The following SLC6A15 variants were observed in gnomAD, a reference collection of about 807,000 sequenced individuals.
SLC6A15 encodes the protein solute carrier family 6 member 15, also known as sodium-dependent neutral amino acid transporter B(0)AT2.
Under a neutral mutation model 68.5 loss-of-function variants are expected in SLC6A15, and 33 were observed. That is an observed-to-expected ratio of 0.48 (90% CI 0.37 to 0.64). SLC6A15 has a LOEUF of 0.64. Among genes scored for constraint, SLC6A15 ranks in the 30% least tolerant of loss-of-function variants. SLC6A15 has a pLI of 0.00. For synonymous variants in SLC6A15, 347 were observed against 301.0 expected, an observed-to-expected ratio of 1.15 and a Z score of -1.58; for missense variants, 747 against 874.3, an observed-to-expected ratio of 0.85 and a Z score of 1.84.
At chr12:84,875,640 G>A (rs1230694024) in intron 6 of SLC6A15, among the ~76,000 whole-genome samples, 1 of 129,688 alleles carries the variant, frequency 7.7e-6, no homozygotes, top group Non-Finnish European at 1.6e-5. Context: ...AACTAATAGT[G>A]GGGTGCACCA....
At chr12:84,881,305 C>T (rs1329894220) in intron 5 of SLC6A15, 1 of 276,002 alleles carries the variant, frequency 3.6e-6, no homozygotes, top group South Asian at 1.4e-4. Context: ...TCTTGAAAGG[C>T]CTTTCTTTCT....
intron 1 of SLC6A15, among the ~76,000 whole-genome samples, chr12:84,893,041 C>G (rs574579427): frequency 1.3e-5 from 2 of 152,296 alleles, no homozygotes; most frequent in East Asian, 3.9e-4. Flanking sequence ...GGGATCCCGC[C>G]TTGGCCTCCC....
At chr12:84,901,238 G>C (rs1440552920) in intron 1 of SLC6A15, among the ~76,000 whole-genome samples, 1 of 151,284 alleles carries the variant, frequency 6.6e-6, no homozygotes, top group Admixed American at 6.6e-5. Context: ...TCTGGGCTTG[G>C]GGTTTTCTTT....
At chr12:84,909,748 A>C (rs1283174030) in intron 1 of SLC6A15, among the ~76,000 whole-genome samples, 3 of 152,214 alleles carry the variant, frequency 2.0e-5, no homozygotes, top group Non-Finnish European at 4.4e-5. Flanking sequence ...TGAGAAGTGA[A>C]AGAAAAGTTT....
chr12:84,890,836 A>G (rs1306367825), intron 2 of SLC6A15, among the ~76,000 whole-genome samples: 2 of 152,210 alleles, frequency 1.3e-5, no homozygotes, highest in Non-Finnish European at 2.9e-5. Context: ...CAATAAAATT[A>G]TCACAAACTA....
At chr12:84,886,146 G>A in intron 2 of SLC6A15, 78 bp from the exon 3 acceptor site, 6 of 1,007,730 alleles carry the variant, frequency 6.0e-6, no homozygotes, top group Non-Finnish European at 8.7e-6. Flanking sequence ...TCCCATTAAA[G>A]ATAATATTTG....
chr12:84,863,457 G>T lies in SLC6A15; in HGVS notation c.1800C>A (p.Asn600Lys), dbSNP rs78734475. The change falls in exon 11 of 12, where the codon AAC becomes AAA. Residue 600 changes from asparagine (N) to lysine (K), a missense_variant. Transcript: ENST00000266682. ...VNMGLSPPGYNAWIEDKASEE... is the reference protein window; with the variant it reads ...VNMGLSPPGYKAWIEDKASEE... ...TATTTACCTTATCTTCAATCCATGC[G>T]TTATAGCCAGGAGGACTTAATCCCA... is the stretch of plus-strand genomic sequence containing the variant. The T allele has an allele frequency of 3.8e-6, 6 of 1,578,748 alleles. No homozygotes were observed. In the African/African-American group the frequency reaches 5.5e-5, roughly 15 times the overall value.
chr12:84,881,978 A>G (rs1287339621), intron 5 of SLC6A15: 1 of 981,990 alleles, frequency 1.0e-6, no homozygotes, highest in Non-Finnish European at 1.2e-6. Flanking sequence ...AGGCATTCTC[A>G]TTAAAATAAT....
At chr12:84,879,365 G>A (rs537893367) in intron 5 of SLC6A15, among the ~76,000 whole-genome samples, 8 of 151,304 alleles carry the variant, frequency 5.3e-5, no homozygotes, top group South Asian at 2.1e-4. Flanking sequence ...TCACTCTGTC[G>A]CCCAGGGTGG....
Position 84,908,601 on chromosome 12 carries a change from CATATAT to C in SLC6A15, c.-189+3916_-189+3921del, listed in dbSNP as rs3084056. On this transcript the variant is annotated intron_variant, in intron 1 of 11. Coordinates refer to ENST00000266682, the MANE Select transcript of SLC6A15 (RefSeq NM_182767.6). ...TATTAAAGGGCAAAGAGTAAAGAAACATATATATATATATATATATATATATCTTCC... is the reference window on the plus strand; with the variant it reads ...TATTAAAGGGCAAAGAGTAAAGAAACATATATATATATATATATATCTTCC... 3.2e-3 allele frequency among the ~76,000 whole-genome samples: 450 copies of C among 140,494 alleles called. 4 individuals carry two copies. The highest frequency in any genetic ancestry group is 0.015 in the Middle Eastern group (4 of 272). 92.2% of individuals were successfully genotyped at this position (140,494 alleles called of 152,430 possible). A position where few individuals can be genotyped will look rare whatever the true frequency, so the allele number is the denominator to read the frequency against.
chr12:84,892,864 G>T (rs1354646017), intron 1 of SLC6A15, among the ~76,000 whole-genome samples: 1 of 152,094 alleles, frequency 6.6e-6, no homozygotes, highest in African/African-American at 2.4e-5. Flanking sequence ...GCAAAATCAG[G>T]ACTCACTGCA....
Position 84,860,782 on chromosome 12 carries a change from T to G in SLC6A15, c.*850A>C, listed in dbSNP as rs927870334. The stretch of plus-strand genomic sequence containing the variant: ...ATATTAATTAAAATGCCATCTTGCT[T>G]CAAGTTTTCAAATTAGTACTTTAAG... On this transcript the variant is annotated 3_prime_UTR_variant, in exon 12 of 12. Coordinates refer to ENST00000266682, the MANE Select transcript of SLC6A15 (RefSeq NM_182767.6). The G allele has an allele frequency of 2.0e-5, 3 of 152,178 alleles. No individual in the cohort carries two copies. The highest frequency in any genetic ancestry group is 7.2e-5 in the African/African-American group (3 of 41,458). 9.4% of individuals were successfully genotyped at this position (152,178 alleles called of 1,614,324 possible). A position where few individuals can be genotyped will look rare whatever the true frequency, so the allele number is the denominator to read the frequency against.
At chr12:84,911,549 C>T (rs1165056379) in intron 1 of SLC6A15, among the ~76,000 whole-genome samples, 1 of 152,206 alleles carries the variant, frequency 6.6e-6, no homozygotes, top group Non-Finnish European at 1.5e-5. Flanking sequence ...CTAAAACGCA[C>T]ATCAAAGGCT....
intron 5 of SLC6A15, among the ~76,000 whole-genome samples, chr12:84,879,364 C>T (rs1330755612): frequency 5.9e-5 from 9 of 151,592 alleles, no homozygotes; most frequent in South Asian, 4.2e-4. Context: ...CTCACTCTGT[C>T]GCCCAGGGTG....
At chr12:84,869,170 TAAGA>T (rs1871181430) in intron 9 of SLC6A15, among the ~76,000 whole-genome samples, 1 of 152,022 alleles carries the variant, frequency 6.6e-6, no homozygotes, top group African/African-American at 2.4e-5. Context: ...TTTTTATGGC[TAAGA>T]AAGAGCTGGG....
intron 2 of SLC6A15, among the ~76,000 whole-genome samples, chr12:84,891,545 A>G: frequency 6.6e-6 from 1 of 152,160 alleles, no homozygotes; most frequent in East Asian, 1.9e-4. Flanking sequence ...GATGCAAGAA[A>G]AGTTTCACTC....
At chr12:84,903,155 A>G (rs1285070480) in intron 1 of SLC6A15, among the ~76,000 whole-genome samples, 1 of 152,178 alleles carries the variant, frequency 6.6e-6, no homozygotes, top group Non-Finnish European at 1.5e-5. Context: ...AGCAATTTCC[A>G]TAAATTGGAG....
intron 1 of SLC6A15, among the ~76,000 whole-genome samples, chr12:84,899,481 T>C (rs1302567479): frequency 6.6e-6 from 1 of 152,212 alleles, no homozygotes; most frequent in Non-Finnish European, 1.5e-5. Flanking sequence ...AATACTACCG[T>C]AGTCATGGAC....
intron 5 of SLC6A15, chr12:84,882,892 T>C: frequency 1.6e-6 from 1 of 632,176 alleles, no homozygotes; most frequent in South Asian, 7.1e-5. Context: ...CTAATTCTTG[T>C]CAGAAACATC....
Sources: gnomAD v4.1 joint callset for allele counts (sites outside exome capture counted in the v4.1 genomes callset) on GRCh38, gnomAD v4.1.1 for gene constraint, MANE v1.5 for transcripts, NCBI Gene and HGNC (gene_info 2026-07-23, HGNC 2026-07-21) for gene names.